SMOC2: variants seen among roughly 807,000 people sequenced by gnomAD.
SMOC2 encodes the protein SPARC-related modular calcium-binding protein 2.
Under a neutral mutation model 61.4 loss-of-function variants are expected in SMOC2, and 39 were observed. The observed-to-expected ratio is 0.64, with a 90% CI of 0.49 to 0.83. The LOEUF is 0.83. SMOC2 is among the 40% of genes least tolerant of loss of function. The pLI, the probability that SMOC2 is intolerant of heterozygous loss-of-function variation, is 0.00. For missense variants in SMOC2, 556 were observed against 592.9 expected (o/e 0.94, Z 0.65); for synonymous variants, 247 against 239.9 (o/e 1.03, Z -0.27).
At chr6:168,652,834 G>A in intron 10 of SMOC2, 120 bp from the exon 11 acceptor site, 1 of 831,844 alleles carries the variant, frequency 1.2e-6, no homozygotes, top group Non-Finnish European at 1.9e-6. Flanking sequence ...AGTGCTGCAG[G>A]CTGAGACACC....
rs115422973 is a variant in SMOC2, at chr6:168,636,282, T to C, written c.908-14399T>C. ...CACAGGTGGTCACACCAGCTCATCA[T>C]GCCAGCACAGTGCACTAAGAACAAC... is the stretch of plus-strand genomic sequence containing the variant. On this transcript the variant is annotated intron_variant, in intron 9 of 12. Transcript: ENST00000356284. Among the ~76,000 whole-genome samples the C allele has an allele frequency of 1.0e-2, 1,518 of 152,320 alleles. 34 individuals are homozygous for C. The highest frequency in any genetic ancestry group is 0.035 in the African/African-American group (1,449 of 41,574).
At chr6:168,454,982 T>G (rs952871416) in intron 1 of SMOC2, among the ~76,000 whole-genome samples, 5 of 151,680 alleles carry the variant, frequency 3.3e-5, no homozygotes, top group African/African-American at 1.2e-4. Context: ...TCAAGATGAC[T>G]CCAGAGGGTC....
intron 7 of SMOC2, among the ~76,000 whole-genome samples, chr6:168,567,766 G>A (rs559469521): frequency 3.3e-5 from 5 of 152,344 alleles, no homozygotes; most frequent in African/African-American, 1.2e-4. Flanking sequence ...AGACCAGATG[G>A]TGTGTGTCGG....
At chr6:168,658,522 T>C (rs1787384064) in intron 11 of SMOC2, among the ~76,000 whole-genome samples, 1 of 152,068 alleles carries the variant, frequency 6.6e-6, no homozygotes. Context: ...AAGCCACGCA[T>C]GGCTTCTGCC....
chr6:168,442,581 C>T (rs1269951256), intron 1 of SMOC2, among the ~76,000 whole-genome samples: 1 of 152,242 alleles, frequency 6.6e-6, no homozygotes. Flanking sequence ...TGGTGGACAG[C>T]CGTCTTTTTT....
At chr6:168,464,177 C>T (rs1237111150) in intron 1 of SMOC2, among the ~76,000 whole-genome samples, 2 of 80,242 alleles carry the variant, frequency 2.5e-5, no homozygotes, top group Non-Finnish European at 4.3e-5. Flanking sequence ...GGCAACAGAG[C>T]AAGACTGTCA....
chr6:168,595,716 A>G (rs929765751), intron 7 of SMOC2, among the ~76,000 whole-genome samples: 6 of 152,254 alleles, frequency 3.9e-5, no homozygotes, highest in African/African-American at 7.2e-5. Context: ...CGATGTTTAT[A>G]TAAACATACA....
chr6:168,456,464 C>T (rs1452208840), intron 1 of SMOC2, among the ~76,000 whole-genome samples: 4 of 152,176 alleles, frequency 2.6e-5, no homozygotes, highest in Non-Finnish European at 4.4e-5. Flanking sequence ...GTTCCGTTCA[C>T]ACCAGGTACC....
At chr6:168,619,104 C>T (rs1786179502) in intron 9 of SMOC2, among the ~76,000 whole-genome samples, 1 of 152,156 alleles carries the variant, frequency 6.6e-6, no homozygotes, top group Admixed American at 6.6e-5. Flanking sequence ...CCGGTGACCG[C>T]AACAGCACAT....
At chr6:168,510,334 GT>G (rs946934175) in intron 2 of SMOC2, among the ~76,000 whole-genome samples, 3 of 152,020 alleles carry the variant, frequency 2.0e-5, no homozygotes, top group Admixed American at 1.3e-4. Context: ...AAATATTTCA[GT>G]TTTTTTCCCC....
intron 1 of SMOC2, among the ~76,000 whole-genome samples, chr6:168,448,926 T>C (rs1332267344): frequency 6.6e-6 from 1 of 152,152 alleles, no homozygotes; most frequent in Non-Finnish European, 1.5e-5. Flanking sequence ...TATCACCAAA[T>C]ATTTTCCAAT....
intron 1 of SMOC2, among the ~76,000 whole-genome samples, chr6:168,489,096 T>C (rs1217610253): frequency 6.7e-6 from 1 of 150,056 alleles, no homozygotes; most frequent in African/African-American, 2.5e-5. Flanking sequence ...GATCACACTG[T>C]TTTAGAGTGA....
chr6:168,447,219 A>G (rs1408179629), intron 1 of SMOC2, among the ~76,000 whole-genome samples: 1 of 151,796 alleles, frequency 6.6e-6, no homozygotes, highest in African/African-American at 2.4e-5. Flanking sequence ...GGCACACGCT[A>G]CAACGCCTGG....
At chr6:168,649,317 G>C (rs1439491288) in intron 9 of SMOC2, among the ~76,000 whole-genome samples, 1 of 152,182 alleles carries the variant, frequency 6.6e-6, no homozygotes, top group South Asian at 2.1e-4. Context: ...TCCTGCTGTG[G>C]TGAGGACGGT....
intron 1 of SMOC2, among the ~76,000 whole-genome samples, chr6:168,494,820 C>A (rs182088280): frequency 6.6e-6 from 1 of 152,202 alleles, no homozygotes; most frequent in African/African-American, 2.4e-5. Context: ...GGCACCACTT[C>A]GCTCCCAGCT....
At chr6:168,540,143 T>G in intron 4 of SMOC2, among the ~76,000 whole-genome samples, 1 of 152,158 alleles carries the variant, frequency 6.6e-6, no homozygotes, top group Non-Finnish European at 1.5e-5. Context: ...TGGACTAAAG[T>G]GTGTAGTGCT....
At chr6:168,573,891 G>A (rs1387281166) in intron 7 of SMOC2, among the ~76,000 whole-genome samples, 2 of 152,202 alleles carry the variant, frequency 1.3e-5, no homozygotes, top group South Asian at 2.1e-4. Flanking sequence ...TCCAGTGACT[G>A]TCTTGGGTCA....
intron 7 of SMOC2, among the ~76,000 whole-genome samples, chr6:168,585,122 G>A (rs78520656): frequency 0.016 from 2,500 of 152,240 alleles, 29 homozygotes; most frequent in South Asian, 0.051. Flanking sequence ...CACACACAGT[G>A]AATTTTTGTG....
chr6:168,463,846 T>A (rs941723361), intron 1 of SMOC2, among the ~76,000 whole-genome samples: 15 of 152,086 alleles, frequency 9.9e-5, no homozygotes, highest in African/African-American at 3.4e-4. Context: ...GCTGAGATGA[T>A]GTCTGGAGAA....
Sources: gnomAD v4.1 joint callset for allele counts (sites outside exome capture counted in the v4.1 genomes callset) on GRCh38, gnomAD v4.1.1 for gene constraint, MANE v1.5 for transcripts, NCBI Gene and HGNC (gene_info 2026-07-23, HGNC 2026-07-21) for gene names.